The following GOSR2 variants were observed in gnomAD, a reference collection of about 807,000 sequenced individuals.
The protein encoded by GOSR2 is golgi SNAP receptor complex member 2.
In GOSR2, 20 loss-of-function variants were observed where a neutral mutation model predicts 27.9. The ratio of observed to expected loss-of-function variants is 0.72; its 90% CI spans 0.50 to 1.04. GOSR2 has a LOEUF of 1.04. GOSR2 is among the 50% of genes least tolerant of loss of function. The probability of loss-of-function intolerance (pLI) is 0.00; values close to 1 mark genes in which losing one functional copy is unlikely to be tolerated. For synonymous variants in GOSR2, 91 were observed against 98.8 expected (o/e 0.92, Z 0.47); for missense variants, 261 against 270.5 (o/e 0.97, Z 0.25).
Position 46,953,052 on chromosome 17 carries a change from TTTA to T in GOSR2, c.584-13473_584-13471del, listed in dbSNP as rs1340712801. Among the ~76,000 whole-genome samples, 24 of 152,156 alleles carry T rather than the reference TTTA, an allele frequency of 1.6e-4. No individual in the cohort carries two copies. In the East Asian group the frequency reaches 3.3e-3, roughly 21 times the overall value. On this transcript the variant is annotated intron_variant, in intron 6 of 6. Transcript: ENST00000573224. ...TTATTATTATTTTTTATTTTTTTATTTTATTATTATTTTACGTAAGTTTTAGGG... is the reference window on the plus strand; with the variant it reads ...TTATTATTATTTTTTATTTTTTTATTTTATTATTTTACGTAAGTTTTAGGG...
At chr17:46,945,238 C>T (rs997445613), downstream of GOSR2, among the ~76,000 whole-genome samples, 14 of 152,170 alleles carry the variant, frequency 9.2e-5, no homozygotes, top group Admixed American at 3.3e-4. Context: ...GTCTTCTGCA[C>T]GACATCCTCC....
chr17:46,962,502 C>G (rs1599237073), intron 6 of GOSR2, among the ~76,000 whole-genome samples: 1 of 152,068 alleles, frequency 6.6e-6, no homozygotes, highest in Non-Finnish European at 1.5e-5. Flanking sequence ...TATGCTGATT[C>G]TGGGCCAATT....
At chr17:46,937,741 G>T (rs2088635682) in intron 5 of GOSR2, 1 of 152,124 alleles carries the variant, frequency 6.6e-6, no homozygotes, top group Admixed American at 6.5e-5. Flanking sequence ...CATTCATATT[G>T]TTACCTATTT....
intron 6 of GOSR2, among the ~76,000 whole-genome samples, chr17:46,965,375 G>A (rs1840549732): frequency 6.6e-6 from 1 of 152,250 alleles, no homozygotes; most frequent in South Asian, 2.1e-4. Context: ...GGGACAAGGA[G>A]AGAGAAAGCT....
At position 46,939,314 on chromosome 17, in the gene GOSR2, T is replaced by G; in HGVS notation, c.*554T>G. ...GACTGACTGCCAATACTTGTCACCA[T>G]TCCCTGGAAGCAGCTACCTAGGGGA... On this transcript the variant is annotated 3_prime_UTR_variant, in exon 6 of 6. Coordinates refer to ENST00000640051, the MANE Select transcript of GOSR2 (RefSeq NM_004287.5). 3.9e-6 allele frequency: 4 copies of G among 1,012,876 alleles called. No individual in the cohort carries two copies. Among genetic ancestry groups the G allele is most frequent in the Non-Finnish European group, 4.7e-6 (4 of 844,258 alleles). The allele number at this position is 1,012,876 out of a possible 1,614,324, so 62.7% of individuals were successfully genotyped here. A position where few individuals can be genotyped will look rare whatever the true frequency, so the allele number is the denominator to read the frequency against.
At chr17:46,935,529 G>C in intron 5 of GOSR2, 1 of 1,263,048 alleles carries the variant, frequency 7.9e-7, no homozygotes, top group Non-Finnish European at 1.0e-6. Context: ...CTGTCCTTTG[G>C]TACCTCGCTT....
intron 6 of GOSR2, among the ~76,000 whole-genome samples, chr17:46,961,633 A>G (rs1221059359): frequency 6.6e-6 from 1 of 152,198 alleles, no homozygotes; most frequent in African/African-American, 2.4e-5. Flanking sequence ...ATAAATGAAA[A>G]GATGAAATAC....
downstream of GOSR2, among the ~76,000 whole-genome samples, chr17:46,971,208 G>A (rs867304299): frequency 1.2e-4 from 18 of 152,058 alleles, no homozygotes; most frequent in South Asian, 6.2e-4. Context: ...ATGGTGGTGG[G>A]TGCCTGTAAT....
In GOSR2 at chr17:46,938,604, T is replaced by C; in HGVS notation, c.483T>C (p.Thr161=). The part of the protein sequence containing the change: ...LRTQRLTLKG[T]QKKILDIANM... ...TCTGTTCTCTTCTGCCCCAGGGGAC[T>C]CAGAAGAAGATCCTTGACATTGCCA... Residue 161 remains threonine, a synonymous_variant, in exon 6 of 6, where the codon ACT becomes ACC. Coordinates refer to ENST00000640051, the MANE Select transcript of GOSR2 (RefSeq NM_004287.5). The C allele has an allele frequency of 6.2e-7, 1 of 1,613,294 alleles. No homozygotes were observed. The highest frequency in any genetic ancestry group is 8.5e-7 in the Non-Finnish European group (1 of 1,179,278).
At chr17:46,960,441 T>C (rs2090988782) in intron 6 of GOSR2, among the ~76,000 whole-genome samples, 1 of 152,226 alleles carries the variant, frequency 6.6e-6, no homozygotes, top group Non-Finnish European at 1.5e-5. Flanking sequence ...AAAAACAGTT[T>C]GGCAGTGTCT....
chr17:46,935,267 T>C (rs1461724988), intron 5 of GOSR2, 98 bp downstream of exon 5: 2 of 1,601,350 alleles, frequency 1.2e-6, no homozygotes, highest in Admixed American at 1.7e-5. Flanking sequence ...TGTCCTCAAA[T>C]TGTGATATTT....
chr17:46,972,063 C>T (rs2091398536), intron 6 of GOSR2, among the ~76,000 whole-genome samples: 1 of 147,068 alleles, frequency 6.8e-6, no homozygotes, highest in Admixed American at 6.9e-5. Context: ...CAACCATAAT[C>T]ACCCTCAGTG....
At chr17:46,950,387 AAAG>A (rs910591258) in intron 6 of GOSR2, among the ~76,000 whole-genome samples, 6 of 152,178 alleles carry the variant, frequency 3.9e-5, no homozygotes, top group East Asian at 1.9e-4. Flanking sequence ...AGGGGAGGGA[AAAG>A]AAGGAGATGG....
At chr17:46,974,001 G>A (rs577533257) in intron 6 of GOSR2, among the ~76,000 whole-genome samples, 11 of 152,320 alleles carry the variant, frequency 7.2e-5, no homozygotes, top group African/African-American at 9.6e-5. Context: ...CCACAGCCGT[G>A]CACCCCTCTA....
chr17:46,944,185 G>A (rs1029011748), downstream of GOSR2, among the ~76,000 whole-genome samples: 3 of 152,230 alleles, frequency 2.0e-5, no homozygotes, highest in African/African-American at 7.2e-5. Context: ...CAGAGCCCTG[G>A]CATGTGTCCA....
chr17:46,924,019 A>G (rs1176266539), intron 1 of GOSR2, among the ~76,000 whole-genome samples: 1 of 152,206 alleles, frequency 6.6e-6, no homozygotes, highest in Non-Finnish European at 1.5e-5. Flanking sequence ...ACAATTTTTA[A>G]GTGTACAATT....
chr17:46,950,108 C>G (rs1232533061), intron 6 of GOSR2, among the ~76,000 whole-genome samples: 1 of 152,240 alleles, frequency 6.6e-6, no homozygotes, highest in Non-Finnish European at 1.5e-5. Flanking sequence ...AACCCACTTT[C>G]ATATCATAGG....
At chr17:46,957,351 G>A (rs1305895505) in intron 6 of GOSR2, among the ~76,000 whole-genome samples, 1 of 152,100 alleles carries the variant, frequency 6.6e-6, no homozygotes. Flanking sequence ...TGTGGCTCAC[G>A]CCTGTATTCC....
downstream of GOSR2, chr17:46,942,071 A>T (rs2089354003): frequency 4.3e-6 from 2 of 464,442 alleles, no homozygotes; most frequent in Non-Finnish European, 5.6e-6. Flanking sequence ...ACTGAAACAG[A>T]TACAAAGAAG....
Sources: allele counts gnomAD v4.1 joint callset (sites outside exome capture counted in the v4.1 genomes callset), GRCh38; gene constraint gnomAD v4.1.1; transcripts MANE v1.5; gene names NCBI Gene and HGNC (gene_info 2026-07-23, HGNC 2026-07-21).